JPH1: variants seen among roughly 807,000 people sequenced by gnomAD.
JPH1 encodes the protein junctophilin 1, also known as junctophilin-1.
Under a neutral mutation model 53.6 loss-of-function variants are expected in JPH1, and 12 were observed. The ratio of observed to expected loss-of-function variants is 0.22; its 90% CI spans 0.14 to 0.36. The LOEUF (loss-of-function observed/expected upper bound fraction) is 0.36, where lower values mean the gene tolerates loss of function less well. JPH1 is among the 10% of genes least tolerant of loss of function. The probability of loss-of-function intolerance (pLI) is 1.00; values close to 1 mark genes in which losing one functional copy is unlikely to be tolerated. For synonymous variants in JPH1, 375 were observed against 363.8 expected (o/e 1.03, Z -0.35); for missense variants, 808 against 905.5 (o/e 0.89, Z 1.38).
Position 74,244,479 on chromosome 8 carries a change from A to T in JPH1, c.1905+50T>A. ...CACAGTCACCCCACACAGCTCGCTG[A>T]AAGAAACAAAGGGAAGAAAGAAAGA... On this transcript the variant is annotated intron_variant, in intron 4 of 5. Transcript: ENST00000342232. 3.2e-6 allele frequency: 5 copies of T among 1,541,378 alleles called. 1 individual carries two copies. The South Asian group carries it at 6.4e-5, about 20-fold the overall frequency.
At chr8:74,290,291 CA>C (rs1227094723) in intron 2 of JPH1, among the ~76,000 whole-genome samples, 1 of 152,186 alleles carries the variant, frequency 6.6e-6, no homozygotes, top group African/African-American at 2.4e-5. Flanking sequence ...AGCAAAGTCT[CA>C]GGATAAAAAA....
intron 2 of JPH1, among the ~76,000 whole-genome samples, chr8:74,292,396 T>A (rs1807357772): frequency 2.0e-5 from 3 of 152,182 alleles, no homozygotes; most frequent in Admixed American, 1.3e-4. Flanking sequence ...GCAAGGGGCT[T>A]GGTCTAGGTC....
At chr8:74,257,787 A>G (rs1806280373) in intron 3 of JPH1, among the ~76,000 whole-genome samples, 1 of 152,186 alleles carries the variant, frequency 6.6e-6, no homozygotes, top group Non-Finnish European at 1.5e-5. Flanking sequence ...TTTAAAAGAG[A>G]TGCGTGTGAA....
intron 2 of JPH1, among the ~76,000 whole-genome samples, chr8:74,288,062 G>A (rs1225707057): frequency 6.6e-6 from 1 of 152,030 alleles, no homozygotes; most frequent in African/African-American, 2.4e-5. Context: ...TTTATTGGAT[G>A]TGTTCTATCT....
chr8:74,309,387 C>A lies in JPH1; in HGVS notation c.1139+5474G>T, dbSNP rs140921215. Among the ~76,000 whole-genome samples, 1,471 of 152,270 alleles carry A rather than the reference C, an allele frequency of 9.7e-3. 25 individuals carry two copies. The highest frequency in any genetic ancestry group is 0.03 in the African/African-American group (1,262 of 41,564). Reference sequence around the variant, plus strand: ...CAAGCAAAGGCTTGTGGTTCTCAGTCGCGTGAGGCCAGCTCTCTCCCACCC... The same window carrying A: ...CAAGCAAAGGCTTGTGGTTCTCAGTAGCGTGAGGCCAGCTCTCTCCCACCC... On this transcript the variant is annotated intron_variant, in intron 2 of 5. Transcript: ENST00000342232.
chr8:74,302,864 C>A (rs929095416), intron 2 of JPH1, among the ~76,000 whole-genome samples: 1 of 151,144 alleles, frequency 6.6e-6, no homozygotes, highest in East Asian at 1.9e-4. Context: ...CATATTTGGA[C>A]AGAGCTGGCA....
intron 4 of JPH1, among the ~76,000 whole-genome samples, chr8:74,240,503 C>G (rs996958825): frequency 2.6e-5 from 4 of 152,106 alleles, no homozygotes; most frequent in Non-Finnish European, 4.4e-5. Context: ...TAAATGAGAA[C>G]ATGCAAAGTT....
At chr8:74,280,623 G>A (rs7829778) in intron 2 of JPH1, among the ~76,000 whole-genome samples, 13,807 of 152,080 alleles carry the variant, frequency 0.091, 1,733 homozygotes, top group African/African-American at 0.28. Context: ...AAGGAAAGAC[G>A]GCGACACATT....
At chr8:74,296,245 T>C (rs1184849116) in intron 2 of JPH1, among the ~76,000 whole-genome samples, 3 of 152,164 alleles carry the variant, frequency 2.0e-5, no homozygotes, top group Non-Finnish European at 2.9e-5. Flanking sequence ...ATTAGCTATA[T>C]AGTATATACT....
intron 2 of JPH1, among the ~76,000 whole-genome samples, chr8:74,302,530 G>A (rs1254372737): frequency 1.5e-4 from 23 of 152,088 alleles, no homozygotes; most frequent in Admixed American, 1.4e-3. Flanking sequence ...ATTACTTATT[G>A]GAAGAGACAT....
At chr8:74,294,705 C>T (rs996128257) in intron 2 of JPH1, among the ~76,000 whole-genome samples, 3 of 152,216 alleles carry the variant, frequency 2.0e-5, no homozygotes, top group Non-Finnish European at 4.4e-5. Context: ...TTGGTTTCTC[C>T]CAAGGCACCA....
At chr8:74,314,655 C>T (rs1268013545) in intron 2 of JPH1, among the ~76,000 whole-genome samples, 1 of 152,102 alleles carries the variant, frequency 6.6e-6, no homozygotes, top group South Asian at 2.1e-4. Context: ...AAAGTGCCTT[C>T]GACATTTTTT....
At chr8:74,269,569 T>TA (rs1351001890) in intron 2 of JPH1, among the ~76,000 whole-genome samples, 2 of 152,188 alleles carry the variant, frequency 1.3e-5, no homozygotes, top group Non-Finnish European at 2.9e-5. Context: ...AGCACAAGGG[T>TA]ATTTGCTTTG....
intron 2 of JPH1, among the ~76,000 whole-genome samples, chr8:74,290,753 A>G (rs1807301300): frequency 6.6e-6 from 1 of 152,210 alleles, no homozygotes; most frequent in Non-Finnish European, 1.5e-5. Context: ...ACAGTAACCA[A>G]AACAGCATGG....
At chr8:74,254,151 A>T (rs906413757) in intron 3 of JPH1, among the ~76,000 whole-genome samples, 67 of 152,186 alleles carry the variant, frequency 4.4e-4, no homozygotes, top group Non-Finnish European at 8.8e-4. Flanking sequence ...TCAATAAAAT[A>T]CTGGCAAACC....
chr8:74,318,547 T>C (rs765060495), intron 1 of JPH1, among the ~76,000 whole-genome samples: 11 of 152,216 alleles, frequency 7.2e-5, no homozygotes, highest in Non-Finnish European at 1.2e-4. Context: ...TACTAACTTA[T>C]TGTTAATATT....
chr8:74,256,226 G>C (rs943816379), intron 3 of JPH1, among the ~76,000 whole-genome samples: 8 of 152,082 alleles, frequency 5.3e-5, no homozygotes, highest in Admixed American at 3.9e-4. Context: ...AAAATGATGA[G>C]TTCATGTCCT....
chr8:74,295,673 C>A (rs1291559507), intron 2 of JPH1, among the ~76,000 whole-genome samples: 1 of 152,026 alleles, frequency 6.6e-6, no homozygotes, highest in African/African-American at 2.4e-5. Context: ...TAATAAGGTC[C>A]CAGAGTCTTT....
intron 2 of JPH1, among the ~76,000 whole-genome samples, chr8:74,310,338 T>C (rs1263487403): frequency 6.6e-6 from 1 of 151,810 alleles, no homozygotes; most frequent in Non-Finnish European, 1.5e-5. Flanking sequence ...AGATGGTGAT[T>C]TGTACCCTCA....
Sources: allele counts gnomAD v4.1 joint callset (sites outside exome capture counted in the v4.1 genomes callset), GRCh38; gene constraint gnomAD v4.1.1; transcripts MANE v1.5; gene names NCBI Gene and HGNC (gene_info 2026-07-23, HGNC 2026-07-21).